The following XKR6 variants were observed in gnomAD, a reference collection of about 807,000 sequenced individuals.
XKR6 encodes the protein XK-related protein 6.
XKR6 carries 22 observed loss-of-function variants against 56.7 expected under a neutral mutation model. The ratio of observed to expected loss-of-function variants is 0.39; its 90% CI spans 0.28 to 0.55. The LOEUF is 0.55. Among genes scored for constraint, XKR6 ranks in the 20% least tolerant of loss-of-function variants. The probability of loss-of-function intolerance (pLI) is 0.66; values close to 1 mark genes in which losing one functional copy is unlikely to be tolerated. For synonymous variants in XKR6, 524 were observed against 387.8 expected (o/e 1.35, Z -4.13); for missense variants, 852 against 889.0 (o/e 0.96, Z 0.53).
intron 1 of XKR6, among the ~76,000 whole-genome samples, chr8:11,016,492 T>C (rs992135949): frequency 6.6e-6 from 1 of 152,196 alleles, no homozygotes; most frequent in Non-Finnish European, 1.5e-5. Context: ...AGCCCTCTGC[T>C]TCAAAGCGGG....
intron 1 of XKR6, among the ~76,000 whole-genome samples, chr8:11,189,727 G>C (rs1803451374): frequency 6.6e-6 from 1 of 152,154 alleles, no homozygotes; most frequent in African/African-American, 2.4e-5. Context: ...ACTGCTTAGG[G>C]AACTTTCTGA....
chr8:11,015,959 G>C (rs1281051206), intron 1 of XKR6, among the ~76,000 whole-genome samples: 4 of 152,166 alleles, frequency 2.6e-5, no homozygotes. Context: ...GCTGCAGGCG[G>C]GCTCCATGAG....
intron 1 of XKR6, among the ~76,000 whole-genome samples, chr8:11,115,312 T>C (rs566816021): frequency 3.3e-5 from 5 of 152,346 alleles, no homozygotes; most frequent in African/African-American, 1.2e-4. Context: ...CCAAACATAA[T>C]GCCTCAGGCT....
chr8:11,023,660 T>C (rs1798795148), intron 1 of XKR6, among the ~76,000 whole-genome samples: 1 of 152,210 alleles, frequency 6.6e-6, no homozygotes, highest in Non-Finnish European at 1.5e-5. Flanking sequence ...CCTGTTCCCC[T>C]TTATTTAGGG....
intron 1 of XKR6, among the ~76,000 whole-genome samples, chr8:11,018,765 A>C (rs1394406132): frequency 6.6e-6 from 1 of 152,076 alleles, no homozygotes; most frequent in Non-Finnish European, 1.5e-5. Flanking sequence ...CCAAACCATC[A>C]ATAGCTCCCC....
At chr8:11,008,179 G>A (rs568181073) in intron 1 of XKR6, among the ~76,000 whole-genome samples, 55 of 152,270 alleles carry the variant, frequency 3.6e-4, no homozygotes, top group African/African-American at 1.2e-3. Context: ...GGCTTCTGCT[G>A]TCTACAGAAT....
At chr8:11,037,262 C>G (rs367631203) in intron 1 of XKR6, among the ~76,000 whole-genome samples, 1 of 152,174 alleles carries the variant, frequency 6.6e-6, no homozygotes, top group Non-Finnish European at 1.5e-5. Context: ...GGGTCTCACT[C>G]TCACCCAGGC....
intron 1 of XKR6, among the ~76,000 whole-genome samples, chr8:10,968,241 G>A (rs1332070431): frequency 3.3e-5 from 5 of 152,166 alleles, no homozygotes; most frequent in South Asian, 2.1e-4. Context: ...TCCGTCCTCC[G>A]TCAGCTGCCC....
chr8:10,953,371 A>T (rs576087269), intron 1 of XKR6, among the ~76,000 whole-genome samples: 2 of 152,140 alleles, frequency 1.3e-5, no homozygotes, highest in East Asian at 1.9e-4. Context: ...TGCTCCCACC[A>T]TCTGAGATGC....
intron 1 of XKR6, among the ~76,000 whole-genome samples, chr8:11,186,298 G>C (rs1338393620): frequency 1.3e-5 from 2 of 152,154 alleles, no homozygotes; most frequent in Non-Finnish European, 2.9e-5. Flanking sequence ...GTGTTGCCCA[G>C]CCACCCTTGA....
At chr8:10,900,356 T>G (rs187973369) in intron 2 of XKR6, among the ~76,000 whole-genome samples, 133 of 152,288 alleles carry the variant, frequency 8.7e-4, no homozygotes, top group Admixed American at 3.6e-3. Flanking sequence ...CGAAGCCCGA[T>G]GAAGAATCCG....
At chr8:11,061,474 A>G (rs1799832832) in intron 1 of XKR6, among the ~76,000 whole-genome samples, 1 of 152,128 alleles carries the variant, frequency 6.6e-6, no homozygotes, top group Non-Finnish European at 1.5e-5. Context: ...CTCAAAAAAA[A>G]AAAAAAATTT....
intron 1 of XKR6, among the ~76,000 whole-genome samples, chr8:10,979,390 C>G (rs969480121): frequency 2.2e-4 from 33 of 152,132 alleles, no homozygotes; most frequent in African/African-American, 7.7e-4. Context: ...CCAGTGGCCC[C>G]AGGCAGCCAG....
At chr8:10,923,207 C>T (rs550066552) in intron 2 of XKR6, among the ~76,000 whole-genome samples, 1 of 152,360 alleles carries the variant, frequency 6.6e-6, no homozygotes, top group East Asian at 1.9e-4. Context: ...ACTGGTCCCT[C>T]AGCTCAGTGT....
At chr8:11,037,852 G>A (rs1313281221) in intron 1 of XKR6, among the ~76,000 whole-genome samples, 1 of 125,646 alleles carries the variant, frequency 8.0e-6, no homozygotes, top group Non-Finnish European at 1.6e-5. Flanking sequence ...AGCGAGACTT[G>A]GTTTCAAAAA....
chr8:11,018,738 T>C (rs1798682455), intron 1 of XKR6, among the ~76,000 whole-genome samples: 1 of 152,142 alleles, frequency 6.6e-6, no homozygotes, highest in Admixed American at 6.5e-5. Flanking sequence ...TGAAACATGG[T>C]CCATTAAGCT....
At chr8:10,938,149 G>C (rs936319790) in intron 1 of XKR6, among the ~76,000 whole-genome samples, 2 of 152,212 alleles carry the variant, frequency 1.3e-5, no homozygotes, top group African/African-American at 2.4e-5. Context: ...ATTCGGGTGG[G>C]AGTGACCCGA....
At chr8:10,924,509 T>C in intron 2 of XKR6, 125 bp downstream of exon 2, 1 of 1,195,092 alleles carries the variant, frequency 8.4e-7, no homozygotes, top group Non-Finnish European at 1.2e-6. Context: ...CCGGGCGTCC[T>C]GGGGACTCAG....
Position 11,155,337 on chromosome 8 carries a change from A to G in XKR6, c.764+45239T>C, listed in dbSNP as rs1586625994. On this transcript the variant is annotated intron_variant, in intron 1 of 2. Coordinates refer to ENST00000416569, the MANE Select transcript of XKR6 (RefSeq NM_173683.4). Reference sequence around the variant, plus strand: ...ATACTGGTAGTCTGATATGTTTAAAACTGAAGGGAAAAATTTGTTTTTAAA... The same window carrying G: ...ATACTGGTAGTCTGATATGTTTAAAGCTGAAGGGAAAAATTTGTTTTTAAA... 2.0e-5 allele frequency among the ~76,000 whole-genome samples: 3 copies of G among 152,338 alleles called. No homozygotes were observed. In the South Asian group the frequency reaches 6.2e-4, roughly 32 times the overall value.
Sources: allele counts gnomAD v4.1 joint callset (sites outside exome capture counted in the v4.1 genomes callset), GRCh38; gene constraint gnomAD v4.1.1; transcripts MANE v1.5; gene names NCBI Gene and HGNC (gene_info 2026-07-23, HGNC 2026-07-21).